Variants in MPPED2 observed in about 807,000 individuals in gnomAD.
The protein encoded by MPPED2 is metallophosphoesterase MPPED2.
A neutral mutation model predicts 33.0 loss-of-function variants in MPPED2; 5 were observed. That is an observed-to-expected ratio of 0.15 (90% CI 0.08 to 0.32). The LOEUF (loss-of-function observed/expected upper bound fraction) is 0.32. MPPED2 is among the 10% of genes least tolerant of loss of function. The probability of loss-of-function intolerance (pLI) is 1.00; values close to 1 mark genes in which losing one functional copy is unlikely to be tolerated. For missense variants in MPPED2, 275 were observed against 372.1 expected, an observed-to-expected ratio of 0.74 and a Z score of 2.15; for synonymous variants, 136 against 141.9, an observed-to-expected ratio of 0.96 and a Z score of 0.29.
At chr11:30,391,106 A>G (rs76934903) in intron 6 of MPPED2, among the ~76,000 whole-genome samples, 1,650 of 152,280 alleles carry the variant, frequency 0.011, 25 homozygotes, top group Non-Finnish European at 0.014. Flanking sequence ...CCACAGATAG[A>G]TTGCAGATCC....
chr11:30,452,589 G>T lies in MPPED2; in HGVS notation c.537-34956C>A, dbSNP rs142893054. 2.0e-5 allele frequency among the ~76,000 whole-genome samples: 3 copies of T among 152,272 alleles called. No individual in the cohort carries two copies. In the East Asian group the frequency reaches 5.8e-4, roughly 29 times the overall value. Reference sequence around the variant, plus strand: ...TCGAACTTACTAAGTCACACCTCTGGGGGTAAGGTATGTACTGCACACGCT... The same window carrying T: ...TCGAACTTACTAAGTCACACCTCTGTGGGTAAGGTATGTACTGCACACGCT... On this transcript the variant is annotated intron_variant, in intron 4 of 6. Transcript: ENST00000358117.
chr11:30,456,977 G>T (rs536007), intron 4 of MPPED2, among the ~76,000 whole-genome samples: 33,005 of 152,096 alleles, frequency 0.22, 4,198 homozygotes, highest in Non-Finnish European at 0.3. Flanking sequence ...CCGTATTCCT[G>T]TTAAAAATTA....
At chr11:30,476,681 A>C (rs1951217589) in intron 4 of MPPED2, among the ~76,000 whole-genome samples, 2 of 152,004 alleles carry the variant, frequency 1.3e-5, no homozygotes, top group Non-Finnish European at 2.9e-5. Context: ...AGTACAGTCC[A>C]TCAACTTTTA....
intron 4 of MPPED2, among the ~76,000 whole-genome samples, chr11:30,478,551 G>C (rs1208791600): frequency 6.6e-6 from 1 of 151,868 alleles, no homozygotes; most frequent in East Asian, 1.9e-4. Context: ...ACAAAGGCTA[G>C]GCACAGACCA....
intron 4 of MPPED2, among the ~76,000 whole-genome samples, chr11:30,494,779 A>G (rs1013466068): frequency 6.6e-6 from 1 of 151,038 alleles, no homozygotes; most frequent in East Asian, 1.9e-4. Context: ...GAAAGAAAGA[A>G]AAGAGAAGAA....
intron 4 of MPPED2, among the ~76,000 whole-genome samples, chr11:30,483,370 C>T (rs1457227644): frequency 1.3e-5 from 2 of 152,184 alleles, no homozygotes; most frequent in Admixed American, 6.5e-5. Context: ...TTCTCAAGTG[C>T]TTTCTTATTA....
intron 4 of MPPED2, among the ~76,000 whole-genome samples, chr11:30,446,804 G>GCC (rs570127510): frequency 2.0e-5 from 3 of 151,634 alleles, no homozygotes; most frequent in Admixed American, 2.0e-4. Flanking sequence ...GACTGTCGGA[G>GCC]CCCCCCCCGA....
intron 3 of MPPED2, among the ~76,000 whole-genome samples, chr11:30,504,996 C>T (rs1054815623): frequency 1.8e-4 from 28 of 152,102 alleles, no homozygotes; most frequent in African/African-American, 6.3e-4. Context: ...TCCGCTTCAG[C>T]CTCCTCCATA....
chr11:30,495,037 C>T, intron 4 of MPPED2: 1 of 452,732 alleles, frequency 2.2e-6, no homozygotes, highest in East Asian at 3.8e-5. Flanking sequence ...ACCAATACCC[C>T]ATGGACACTG....
At chr11:30,576,100 A>G (rs1956918754) in intron 2 of MPPED2, among the ~76,000 whole-genome samples, 1 of 152,260 alleles carries the variant, frequency 6.6e-6, no homozygotes, top group Non-Finnish European at 1.5e-5. Flanking sequence ...ATGTATAAGC[A>G]TTAACATGTA....
intron 4 of MPPED2, among the ~76,000 whole-genome samples, chr11:30,435,243 C>T (rs930064595): frequency 1.3e-5 from 2 of 152,208 alleles, no homozygotes; most frequent in Admixed American, 1.3e-4. Flanking sequence ...GTATCCCATT[C>T]TCCCCAGTCC....
At chr11:30,495,110 T>A in intron 4 of MPPED2, 186 bp downstream of exon 4, 1 of 599,328 alleles carries the variant, frequency 1.7e-6, no homozygotes, top group Non-Finnish European at 3.0e-6. Flanking sequence ...CCTAAAGGGA[T>A]CTCTATCACA....
In MPPED2 at chr11:30,571,819, T is replaced by C. The variant is rs184890070; in HGVS notation, c.128+8427A>G. ...TTTGTTTCTACATCTTAAAATCTCA[T>C]CTTCATAAGCTTTGAAAGCTTAGAA... On this transcript the variant is annotated intron_variant, in intron 2 of 6. Transcript: ENST00000358117. Among the ~76,000 whole-genome samples the C allele has an allele frequency of 3.9e-5, 6 of 152,316 alleles. No homozygotes were observed. The East Asian group carries it at 1.2e-3, about 29-fold the overall frequency.
intron 2 of MPPED2, among the ~76,000 whole-genome samples, chr11:30,555,854 C>G (rs1590842651): frequency 6.6e-6 from 1 of 152,306 alleles, no homozygotes; most frequent in South Asian, 2.1e-4. Flanking sequence ...GCACATTCCC[C>G]TGGAATCTCA....
intron 3 of MPPED2, among the ~76,000 whole-genome samples, chr11:30,512,525 A>G (rs550089): frequency 0.081 from 12,286 of 151,908 alleles, 587 homozygotes; most frequent in South Asian, 0.15. Context: ...TGTGGGGGGA[A>G]GGAGGGAGGG....
intron 6 of MPPED2, among the ~76,000 whole-genome samples, chr11:30,402,469 C>T (rs1302232064): frequency 6.6e-6 from 1 of 152,060 alleles, no homozygotes; most frequent in Non-Finnish European, 1.5e-5. Context: ...TCTCCTGGTC[C>T]CCCATAAAAG....
At chr11:30,459,362 G>A (rs1192254602) in intron 4 of MPPED2, among the ~76,000 whole-genome samples, 2 of 152,030 alleles carry the variant, frequency 1.3e-5, no homozygotes, top group African/African-American at 2.4e-5. Flanking sequence ...ACTTTGCTGC[G>A]ACCACAGAAT....
intron 4 of MPPED2, among the ~76,000 whole-genome samples, chr11:30,461,221 A>T (rs540792224): frequency 1.9e-4 from 29 of 152,244 alleles, no homozygotes; most frequent in South Asian, 8.3e-4. Flanking sequence ...GTGAAGGAGG[A>T]ATGGTAGTTA....
At position 30,410,244 on chromosome 11, in the gene MPPED2, A is replaced by G. The variant is rs991962793; in HGVS notation, c.*1224T>C. 26 of 985,726 alleles carry G rather than the reference A, an allele frequency of 2.6e-5. No homozygotes were observed. The highest frequency in any genetic ancestry group is 3.0e-5 in the Non-Finnish European group (25 of 829,936). 61.1% of individuals were successfully genotyped at this position (985,726 alleles called of 1,614,324 possible). Reference sequence around the variant, plus strand: ...ACGAATTTAAAAATCTTGCAATTTTATTTGCATATAAAGGCCGCTAGATAT... The same window carrying G: ...ACGAATTTAAAAATCTTGCAATTTTGTTTGCATATAAAGGCCGCTAGATAT... On this transcript the variant is annotated 3_prime_UTR_variant, in exon 7 of 7. Transcript: ENST00000358117.
Sources: gnomAD v4.1 joint callset for allele counts (sites outside exome capture counted in the v4.1 genomes callset) on GRCh38, gnomAD v4.1.1 for gene constraint, MANE v1.5 for transcripts, NCBI Gene and HGNC (gene_info 2026-07-23, HGNC 2026-07-21) for gene names.